Variants in RUNDC3B observed in about 807,000 individuals in gnomAD.
RUNDC3B encodes RUN domain containing 3B.
RUNDC3B carries 33 observed loss-of-function variants against 58.4 expected under a neutral mutation model. The observed-to-expected ratio is 0.56, with a 90% CI of 0.43 to 0.75. The LOEUF (loss-of-function observed/expected upper bound fraction) is 0.75, where lower values mean the gene tolerates loss of function less well. RUNDC3B is among the 30% of genes least tolerant of loss of function. RUNDC3B has a pLI of 0.00. For synonymous variants in RUNDC3B, 193 were observed against 195.2 expected (o/e 0.99, Z 0.10); for missense variants, 501 against 535.7 (o/e 0.94, Z 0.64).
intron 6 of RUNDC3B, among the ~76,000 whole-genome samples, chr7:87,742,813 C>G (rs1044674626): frequency 6.6e-6 from 1 of 151,792 alleles, no homozygotes; most frequent in Non-Finnish European, 1.5e-5. Context: ...GAATATAAGA[C>G]GAAAATTTAG....
At chr7:87,684,528 C>T (rs1022807306) in intron 2 of RUNDC3B, among the ~76,000 whole-genome samples, 4 of 151,884 alleles carry the variant, frequency 2.6e-5, no homozygotes, top group African/African-American at 9.7e-5. Context: ...GCAGGCGGAT[C>T]ATGAGGTCAA....
At chr7:87,820,753 T>C (rs1242146234) in intron 10 of RUNDC3B, among the ~76,000 whole-genome samples, 1 of 151,334 alleles carries the variant, frequency 6.6e-6, no homozygotes, top group Non-Finnish European at 1.5e-5. Flanking sequence ...TCAATAAATG[T>C]AATCCAGCAT....
chr7:87,821,290 A>G (rs1166366311), intron 10 of RUNDC3B, among the ~76,000 whole-genome samples: 4 of 152,160 alleles, frequency 2.6e-5, no homozygotes, highest in African/African-American at 4.8e-5. Flanking sequence ...CCCATTCACA[A>G]TTGCTTCAAA....
chr7:87,753,857 G>A (rs1833184985), intron 6 of RUNDC3B, among the ~76,000 whole-genome samples: 1 of 152,138 alleles, frequency 6.6e-6, no homozygotes, highest in South Asian at 2.1e-4. Context: ...TGATCCTTCT[G>A]AAATGTAAGA....
chr7:87,760,463 T>C (rs1448836179), intron 6 of RUNDC3B, among the ~76,000 whole-genome samples: 2 of 152,104 alleles, frequency 1.3e-5, no homozygotes, highest in Non-Finnish European at 2.9e-5. Context: ...CTTTTTTGTT[T>C]GTAGAAATGG....
At chr7:87,800,759 A>G (rs1836104344) in intron 8 of RUNDC3B, among the ~76,000 whole-genome samples, 1 of 149,776 alleles carries the variant, frequency 6.7e-6, no homozygotes, top group African/African-American at 2.5e-5. Context: ...TGATCCTACC[A>G]CCTCAGCCTT....
intron 1 of RUNDC3B, among the ~76,000 whole-genome samples, chr7:87,643,652 C>A (rs1412021949): frequency 4.6e-5 from 7 of 151,346 alleles, no homozygotes; most frequent in Non-Finnish European, 7.4e-5. Flanking sequence ...TCCTGAGTAG[C>A]TGGGACTGCA....
chr7:87,689,623 C>A (rs533549121), intron 2 of RUNDC3B, among the ~76,000 whole-genome samples: 1 of 152,106 alleles, frequency 6.6e-6, no homozygotes, highest in Admixed American at 6.6e-5. Flanking sequence ...GTAAATATTT[C>A]TCATTTTATA....
At chr7:87,738,880 A>G (rs886484563) in intron 4 of RUNDC3B, among the ~76,000 whole-genome samples, 6 of 151,996 alleles carry the variant, frequency 3.9e-5, no homozygotes, top group African/African-American at 7.2e-5. Context: ...TTATAAACTC[A>G]GAAATACTGA....
intron 2 of RUNDC3B, among the ~76,000 whole-genome samples, chr7:87,688,597 G>A (rs968358133): frequency 2.6e-5 from 4 of 151,464 alleles, no homozygotes; most frequent in East Asian, 1.9e-4. Context: ...TTTTTTCTCC[G>A]TTGATTAGTC....
At chr7:87,694,746 T>A (rs776283450) in intron 2 of RUNDC3B, among the ~76,000 whole-genome samples, 2 of 152,198 alleles carry the variant, frequency 1.3e-5, no homozygotes, top group Non-Finnish European at 1.5e-5. Flanking sequence ...ATGTTAATAA[T>A]GCTGGTGGAA....
At chr7:87,802,659 T>A (rs1004132073) in intron 8 of RUNDC3B, among the ~76,000 whole-genome samples, 23 of 152,158 alleles carry the variant, frequency 1.5e-4, no homozygotes, top group African/African-American at 5.5e-4. Flanking sequence ...TGTCAAAATA[T>A]CTCATGTAAC....
intron 4 of RUNDC3B, among the ~76,000 whole-genome samples, chr7:87,731,087 C>T (rs916080464): frequency 1.3e-5 from 2 of 151,988 alleles, no homozygotes; most frequent in African/African-American, 4.8e-5. Flanking sequence ...CTTTTTAATA[C>T]TTGGAAAAAC....
intron 4 of RUNDC3B, among the ~76,000 whole-genome samples, chr7:87,727,735 A>G (rs1831323614): frequency 6.6e-6 from 1 of 152,150 alleles, no homozygotes; most frequent in African/African-American, 2.4e-5. Context: ...TCTTATCAAG[A>G]GGATGCATGT....
chr7:87,691,674 A>G (rs747159077), intron 2 of RUNDC3B, among the ~76,000 whole-genome samples: 71 of 152,272 alleles, frequency 4.7e-4, no homozygotes, highest in Non-Finnish European at 9.6e-4. Flanking sequence ...TTTACGTTTT[A>G]TATAAAAAAT....
At chr7:87,751,529 A>G (rs1008344853) in intron 6 of RUNDC3B, among the ~76,000 whole-genome samples, 3 of 152,188 alleles carry the variant, frequency 2.0e-5, no homozygotes, top group African/African-American at 7.2e-5. Flanking sequence ...ATGTTCTTCC[A>G]TTTGCTTGTA....
chr7:87,641,451 A>G (rs1822443868), intron 1 of RUNDC3B, among the ~76,000 whole-genome samples: 1 of 152,188 alleles, frequency 6.6e-6, no homozygotes, highest in Admixed American at 6.5e-5. Context: ...AACAACCTAC[A>G]GTTTGCTCCT....
intron 8 of RUNDC3B, among the ~76,000 whole-genome samples, chr7:87,790,659 A>G (rs1835476242): frequency 6.6e-6 from 1 of 152,242 alleles, no homozygotes; most frequent in South Asian, 2.1e-4. Context: ...AAAAAGAGTC[A>G]AACAGAAATT....
rs371401310 is a variant in RUNDC3B, at chr7:87,739,767, A to G, written c.459-24A>G. 7.2e-6 allele frequency: 8 copies of G among 1,112,914 alleles called. No individual in the cohort carries two copies. The African/African-American group carries it at 1.1e-4, about 15-fold the overall frequency. 68.9% of individuals were successfully genotyped at this position (1,112,914 alleles called of 1,614,324 possible). A position where few individuals can be genotyped will look rare whatever the true frequency, so the allele number is the denominator to read the frequency against. On this transcript the variant is annotated intron_variant, in intron 4 of 10. Transcript: ENST00000394654. ...CTTCCATTTATTTTTAATATTTTAT[A>G]TATTCACCCATTTCATTTTTTAGGA... is the stretch of plus-strand genomic sequence containing the variant.
Sources: gnomAD v4.1 joint callset for allele counts (sites outside exome capture counted in the v4.1 genomes callset) on GRCh38, gnomAD v4.1.1 for gene constraint, MANE v1.5 for transcripts, NCBI Gene and HGNC (gene_info 2026-07-23, HGNC 2026-07-21) for gene names.